Variants in CPSF2 observed in about 807,000 individuals in gnomAD.
CPSF2 encodes the protein cleavage and polyadenylation specificity factor subunit 2.
CPSF2 carries 51 observed loss-of-function variants against 84.2 expected under a neutral mutation model. The observed-to-expected ratio is 0.61, with a 90% CI of 0.48 to 0.77. The LOEUF is 0.77. Ranked by LOEUF, CPSF2 falls within the 30% of genes least tolerant of loss-of-function variation. The pLI, the probability that CPSF2 is intolerant of heterozygous loss-of-function variation, is 0.00. For missense variants in CPSF2, 641 were observed against 929.4 expected, an observed-to-expected ratio of 0.69 and a Z score of 4.03; for synonymous variants, 286 against 311.9, an observed-to-expected ratio of 0.92 and a Z score of 0.87.
intron 2 of CPSF2, among the ~76,000 whole-genome samples, chr14:92,130,582 C>G (rs914977856): frequency 6.6e-6 from 1 of 152,094 alleles, no homozygotes; most frequent in African/African-American, 2.4e-5. Flanking sequence ...TATACTAATA[C>G]TAATGTTTTA....
chr14:92,138,194 A>G (rs912230762), intron 6 of CPSF2, 38 bp from the exon 7 acceptor site: 2 of 1,057,368 alleles, frequency 1.9e-6, no homozygotes, highest in Admixed American at 2.2e-5. Flanking sequence ...TTTACTTGAA[A>G]TGATATAAAA....
At chr14:92,129,729 A>C (rs1473523624) in intron 2 of CPSF2, among the ~76,000 whole-genome samples, 1 of 152,056 alleles carries the variant, frequency 6.6e-6, no homozygotes, top group South Asian at 2.1e-4. Flanking sequence ...TATTTTATTT[A>C]TTTTTTAGAT....
At position 92,162,002 on chromosome 14, in the gene CPSF2, A is replaced by G; in HGVS notation, c.*258A>G. ...GAGTTGAAGGTGATTGGTTTTCTTT[A>G]CAGACTCCTTGTTCTCTAGAAGGGC... On this transcript the variant is annotated 3_prime_UTR_variant, in exon 16 of 16. Transcript: ENST00000298875. The G allele has an allele frequency of 3.6e-6, 1 of 276,350 alleles. No individual in the cohort carries two copies. Among genetic ancestry groups the G allele is most frequent in the Non-Finnish European group, 6.7e-6 (1 of 149,714 alleles). The allele number at this position is 276,350 out of a possible 1,614,324, so 17.1% of individuals were successfully genotyped here.
At chr14:92,132,557 AG>A (rs1257671189) in intron 3 of CPSF2, among the ~76,000 whole-genome samples, 1 of 151,772 alleles carries the variant, frequency 6.6e-6, no homozygotes, top group African/African-American at 2.4e-5. Flanking sequence ...AGATCACTTG[AG>A]GTCAGGAGTT....
At chr14:92,158,644 G>C (rs1351852204) in intron 13 of CPSF2, among the ~76,000 whole-genome samples, 1 of 152,192 alleles carries the variant, frequency 6.6e-6, no homozygotes, top group Non-Finnish European at 1.5e-5. Context: ...GAATCATCTG[G>C]GGAGCTTCGT....
At chr14:92,143,332 T>A (rs2069103554) in intron 9 of CPSF2, 38 bp downstream of exon 9, 5 of 1,321,344 alleles carry the variant, frequency 3.8e-6, no homozygotes, top group Non-Finnish European at 4.2e-6. Context: ...TAAAACTGTT[T>A]GGGGGATACA....
chr14:92,125,787 T>G (rs1243787198), intron 1 of CPSF2, among the ~76,000 whole-genome samples: 1 of 152,188 alleles, frequency 6.6e-6, no homozygotes, highest in Non-Finnish European at 1.5e-5. Context: ...CTCCTGTTAC[T>G]CCTCTGTTTT....
At chr14:92,138,503 C>T (rs2069030414) in intron 7 of CPSF2, among the ~76,000 whole-genome samples, 156 bp downstream of exon 7, 1 of 151,958 alleles carries the variant, frequency 6.6e-6, no homozygotes, top group Admixed American at 6.6e-5. Flanking sequence ...GATCTCGGCT[C>T]ACTGTAACTT....
Position 92,156,594 on chromosome 14 carries a change from A to T in CPSF2, c.1558A>T (p.Thr520Ser), listed in dbSNP as rs1320185581. The change falls in exon 12 of 16, where the codon ACT becomes TCT. Residue 520 changes from threonine (T) to serine (S), a missense_variant. Around this residue, in one of 2 missense-constraint regions of CPSF2, gnomAD observed 430 missense variants for 553.6 expected, o/e 0.78. Coordinates refer to ENST00000298875, the MANE Select transcript of CPSF2 (RefSeq NM_017437.3). ...PMDQDLSDVP[T>S]KCISTTESIE... ...GGATCAGGATTTATCTGATGTTCCT[A>T]CTAAATGTATTTCTACAACAGAGTC... The T allele has an allele frequency of 6.2e-7, 1 of 1,607,426 alleles. No homozygotes were observed. The highest frequency in any genetic ancestry group is 8.5e-7 in the Non-Finnish European group (1 of 1,175,492).
intron 2 of CPSF2, among the ~76,000 whole-genome samples, chr14:92,127,502 A>T (rs941057211): frequency 6.6e-6 from 1 of 152,196 alleles, no homozygotes; most frequent in Non-Finnish European, 1.5e-5. Context: ...CTTAGTGCAA[A>T]TGGGAGGTGA....
At chr14:92,142,375 T>C (rs2069089631) in intron 8 of CPSF2, 24 bp downstream of exon 8, 1 of 1,579,544 alleles carries the variant, frequency 6.3e-7, no homozygotes, top group Non-Finnish European at 8.6e-7. Context: ...TTGTCACTTG[T>C]AATAAGTTTG....
intron 9 of CPSF2, among the ~76,000 whole-genome samples, chr14:92,151,759 A>G (rs1372318082): frequency 6.6e-6 from 1 of 152,074 alleles, no homozygotes; most frequent in Non-Finnish European, 1.5e-5. Flanking sequence ...GCTATAGGCC[A>G]GGTGCGGTGG....
chr14:92,149,217 C>G (rs903837790), intron 9 of CPSF2, among the ~76,000 whole-genome samples: 3 of 152,048 alleles, frequency 2.0e-5, no homozygotes, highest in Non-Finnish European at 4.4e-5. Flanking sequence ...CCTAAAACTC[C>G]ACTAGTAGCC....
rs1294355038 is a variant in CPSF2 at position 92,170,415 on chromosome 14, A to G, written c.*8671A>G. 1.3e-5 allele frequency: 2 copies of G among 152,186 alleles called. No homozygotes were observed. The highest frequency in any genetic ancestry group is 4.8e-5 in the African/African-American group (2 of 41,448). The allele number at this position is 152,186 out of a possible 1,614,324, so 9.4% of individuals were successfully genotyped here. ...CTTAAGTGTATACTTTTTAAAAACA[A>G]GGACACTCCTACATAACCACAGTAC... On this transcript the variant is annotated 3_prime_UTR_variant, in exon 16 of 16. Coordinates refer to ENST00000298875, the MANE Select transcript of CPSF2 (RefSeq NM_017437.3).
chr14:92,125,167 A>T (rs1039135706), intron 1 of CPSF2, among the ~76,000 whole-genome samples: 1 of 152,148 alleles, frequency 6.6e-6, no homozygotes, highest in Non-Finnish European at 1.5e-5. Flanking sequence ...GGGAGGAAAT[A>T]CTGGAGGCAG....
chr14:92,154,466 A>G lies in CPSF2; in HGVS notation c.1241+8A>G. On this transcript the variant is annotated splice_region_variant and intron_variant, in intron 10 of 15. Coordinates refer to ENST00000298875, the MANE Select transcript of CPSF2 (RefSeq NM_017437.3). ...GCTTGAGCAGTCAAAAGAGTGAGTC[A>G]TTTTCAGACAGATTATAAATTTATG... The G allele has an allele frequency of 6.4e-7, 1 of 1,551,064 alleles. No homozygotes were observed. The highest frequency in any genetic ancestry group is 1.7e-4 in the Middle Eastern group (1 of 5,816).
intron 2 of CPSF2, among the ~76,000 whole-genome samples, chr14:92,128,040 C>T (rs564287984): frequency 3.0e-4 from 46 of 152,262 alleles, no homozygotes; most frequent in African/African-American, 8.2e-4. Context: ...GTAATACTTA[C>T]GGCCTGTTTG....
intron 9 of CPSF2, among the ~76,000 whole-genome samples, chr14:92,150,311 G>A (rs1417068288): frequency 6.6e-6 from 1 of 151,652 alleles, no homozygotes; most frequent in Non-Finnish European, 1.5e-5. Flanking sequence ...TAGTAGAGAT[G>A]GGGTTTCACT....
Position 92,164,240 on chromosome 14 carries a change from A to ACCT in CPSF2, c.*2497_*2498insCTC, listed in dbSNP as rs2069415003. The ACCT allele has an allele frequency of 6.6e-6, 1 of 152,234 alleles. No homozygotes were observed. Among genetic ancestry groups the ACCT allele is most frequent in the African/African-American group, 2.4e-5 (1 of 41,454 alleles). The allele number at this position is 152,234 out of a possible 1,614,324, so 9.4% of individuals were successfully genotyped here. On this transcript the variant is annotated 3_prime_UTR_variant, in exon 16 of 16. Coordinates refer to ENST00000298875, the MANE Select transcript of CPSF2 (RefSeq NM_017437.3). ...ATTCTTTATAGCAGTGTGAGAACAGACTAATATGAATACCAATACTGAAAA... is the reference window on the plus strand; with the variant it reads ...ATTCTTTATAGCAGTGTGAGAACAGACCTCTAATATGAATACCAATACTGAAAA...
Sources: allele counts gnomAD v4.1 joint callset (sites outside exome capture counted in the v4.1 genomes callset), GRCh38; gene constraint gnomAD v4.1.1; regional missense constraint gnomAD v4.1.1; transcripts MANE v1.5; gene names NCBI Gene and HGNC (gene_info 2026-07-23, HGNC 2026-07-21).